OXCT1: variants seen among roughly 807,000 people sequenced by gnomAD.
The protein encoded by OXCT1 is 3-oxoacid CoA-transferase 1, also known as succinyl-CoA:3-ketoacid coenzyme A transferase 1, mitochondrial.
In OXCT1, 27 loss-of-function variants were observed where a neutral mutation model predicts 69.6. The observed-to-expected ratio is 0.39, with a 90% CI of 0.29 to 0.54. The LOEUF (loss-of-function observed/expected upper bound fraction) is 0.54. OXCT1 is among the 20% of genes least tolerant of loss of function. The pLI is 0.72. For missense variants in OXCT1, 437 were observed against 650.2 expected (o/e 0.67, Z 3.57); for synonymous variants, 202 against 217.8 (o/e 0.93, Z 0.64).
At chr5:41,794,319 A>G (rs182433784) in intron 12 of OXCT1, 87 of 598,680 alleles carry the variant, frequency 1.5e-4, no homozygotes, top group East Asian at 1.1e-3. Context: ...TGTACACAGG[A>G]AGACTGTTTC....
intron 16 of OXCT1, among the ~76,000 whole-genome samples, chr5:41,733,984 C>A (rs1187624170): frequency 6.6e-6 from 1 of 152,162 alleles, no homozygotes; most frequent in Non-Finnish European, 1.5e-5. Context: ...TGGTAGAATG[C>A]CAGTTCATAG....
At chr5:41,794,544 G>T in intron 12 of OXCT1, 133 bp downstream of exon 12, 1 of 793,888 alleles carries the variant, frequency 1.3e-6, no homozygotes, top group African/African-American at 1.7e-5. Context: ...TTCACACCCT[G>T]CAGCCGAACA....
Position 41,787,965 on chromosome 5 carries a change from CAACA to C in OXCT1, c.1248+6034_1248+6037del, listed in dbSNP as rs574055533. 2.0e-4 allele frequency among the ~76,000 whole-genome samples: 30 copies of C among 151,962 alleles called. No homozygotes were observed. In the South Asian group the frequency reaches 5.6e-3, roughly 28 times the overall value. ...TCTAGATCTCTGCACAGAAAAAGTG[CAACA>C]AACAGAAAATATGTTGGAAAAATAT... On this transcript the variant is annotated intron_variant, in intron 13 of 16. Transcript: ENST00000196371.
intron 13 of OXCT1, among the ~76,000 whole-genome samples, chr5:41,771,054 T>C (rs991120698): frequency 3.9e-5 from 6 of 152,202 alleles, no homozygotes; most frequent in Non-Finnish European, 7.4e-5. Flanking sequence ...TATTGTAAGA[T>C]AGTCCAGACA....
At chr5:41,799,272 A>G (rs1216156265) in intron 11 of OXCT1, among the ~76,000 whole-genome samples, 1 of 152,188 alleles carries the variant, frequency 6.6e-6, no homozygotes, top group East Asian at 1.9e-4. Context: ...ACCAATTTAT[A>G]TTCTAGGCTC....
intron 14 of OXCT1, among the ~76,000 whole-genome samples, chr5:41,750,606 G>A (rs182676462): frequency 9.2e-5 from 14 of 152,156 alleles, no homozygotes; most frequent in Admixed American, 2.0e-4. Flanking sequence ...CACATGTGAC[G>A]CCACTATCGT....
At chr5:41,782,175 T>C (rs1024184373) in intron 13 of OXCT1, among the ~76,000 whole-genome samples, 1 of 151,620 alleles carries the variant, frequency 6.6e-6, no homozygotes, top group Non-Finnish European at 1.5e-5. Flanking sequence ...TGGTATCTCA[T>C]TCTGGTTTTG....
At chr5:41,832,275 G>A (rs570201729) in intron 7 of OXCT1, among the ~76,000 whole-genome samples, 15 of 152,228 alleles carry the variant, frequency 9.9e-5, no homozygotes, top group Non-Finnish European at 1.2e-4. Context: ...AGTCCCAGTG[G>A]TGGTGGCCAT....
At chr5:41,773,420 A>G (rs1561064526) in intron 13 of OXCT1, among the ~76,000 whole-genome samples, 3 of 151,704 alleles carry the variant, frequency 2.0e-5, no homozygotes, top group Non-Finnish European at 2.9e-5. Flanking sequence ...ACGAAAAAAA[A>G]AAAAAAGAAA....
At chr5:41,754,219 A>G (rs999312605) in intron 14 of OXCT1, among the ~76,000 whole-genome samples, 1 of 151,942 alleles carries the variant, frequency 6.6e-6, no homozygotes, top group African/African-American at 2.4e-5. Flanking sequence ...TAGAACAAGG[A>G]AGCCAATGGC....
chr5:41,801,878 A>G (rs1413594655), intron 10 of OXCT1, among the ~76,000 whole-genome samples: 1 of 152,056 alleles, frequency 6.6e-6, no homozygotes, highest in Non-Finnish European at 1.5e-5. Flanking sequence ...AAAAGAGAGG[A>G]AACTATAAAA....
chr5:41,770,882 T>TA lies in OXCT1; in HGVS notation c.1249-8683dup, dbSNP rs1744843398. 6.6e-5 allele frequency among the ~76,000 whole-genome samples: 10 copies of TA among 152,270 alleles called. No homozygotes were observed. The South Asian group carries it at 2.1e-3, about 32-fold the overall frequency. On this transcript the variant is annotated intron_variant, in intron 13 of 16. Coordinates refer to ENST00000196371, the MANE Select transcript of OXCT1 (RefSeq NM_000436.4). ...TGACTCCAGGCAGAATATTTGAAAATAAAAAATTACTTTACAGAAACTATC... is the reference window on the plus strand; with the variant it reads ...TGACTCCAGGCAGAATATTTGAAAATAAAAAAATTACTTTACAGAAACTATC...
At chr5:41,801,457 G>A (rs1371852836) in intron 10 of OXCT1, among the ~76,000 whole-genome samples, 1 of 152,128 alleles carries the variant, frequency 6.6e-6, no homozygotes, top group Non-Finnish European at 1.5e-5. Context: ...ATTTTGGGAG[G>A]CTGAAGCAGG....
At chr5:41,787,037 AAT>A (rs1307371368) in intron 13 of OXCT1, among the ~76,000 whole-genome samples, 3 of 152,358 alleles carry the variant, frequency 2.0e-5, no homozygotes, top group African/African-American at 7.2e-5. Context: ...AGAAATGCCA[AAT>A]AACGCAAGAA....
At chr5:41,745,182 A>G (rs1334009004) in intron 15 of OXCT1, among the ~76,000 whole-genome samples, 2 of 152,118 alleles carry the variant, frequency 1.3e-5, no homozygotes, top group South Asian at 4.1e-4. Context: ...TAAAAAAAAA[A>G]CAAATTATAA....
intron 14 of OXCT1, among the ~76,000 whole-genome samples, chr5:41,751,916 G>T (rs1213421368): frequency 2.0e-5 from 3 of 152,048 alleles, no homozygotes; most frequent in Non-Finnish European, 2.9e-5. Flanking sequence ...CAAGGAAAAA[G>T]AAAATGAGAT....
intron 9 of OXCT1, among the ~76,000 whole-genome samples, chr5:41,803,981 T>C (rs370856569): frequency 2.6e-5 from 4 of 151,974 alleles, no homozygotes; most frequent in East Asian, 1.9e-4. Flanking sequence ...TCACCAGAAC[T>C]AGTACAAAGA....
intron 13 of OXCT1, among the ~76,000 whole-genome samples, chr5:41,790,194 G>C (rs1745848124): frequency 6.6e-6 from 1 of 152,164 alleles, no homozygotes; most frequent in African/African-American, 2.4e-5. Context: ...CTGCTATTTT[G>C]TGCTTTCAAT....
intron 7 of OXCT1, among the ~76,000 whole-genome samples, chr5:41,812,128 C>A (rs1484294505): frequency 1.3e-5 from 2 of 151,828 alleles, no homozygotes; most frequent in African/African-American, 2.4e-5. Flanking sequence ...AGATTCAGGA[C>A]CTCTAACGAA....
Sources: gnomAD v4.1 joint callset for allele counts (sites outside exome capture counted in the v4.1 genomes callset) on GRCh38, gnomAD v4.1.1 for gene constraint, MANE v1.5 for transcripts, NCBI Gene and HGNC (gene_info 2026-07-23, HGNC 2026-07-21) for gene names.